SPEN: variants seen among roughly 807,000 people sequenced by gnomAD.
SPEN encodes the protein spen family transcriptional repressor.
SPEN carries 18 observed loss-of-function variants against 269.9 expected under a neutral mutation model. The observed-to-expected ratio is 0.07, with a 90% confidence interval of 0.05 to 0.10. The LOEUF (loss-of-function observed/expected upper bound fraction) is 0.10, where lower values mean the gene tolerates loss of function less well. SPEN is among the 10% of genes least tolerant of loss of function. The probability of loss-of-function intolerance (pLI) is 1.00; values close to 1 mark genes in which losing one functional copy is unlikely to be tolerated. For synonymous variants in SPEN, 1,726 were observed against 1,765.7 expected (o/e 0.98, Z 0.56); for missense variants, 3,822 against 4,631.2 (o/e 0.83, Z 5.07).
intron 9 of SPEN, 130 bp from the exon 10 acceptor site, chr1:15,922,119 C>T (rs1034567785): frequency 4.5e-6 from 3 of 659,868 alleles, no homozygotes; most frequent in South Asian, 3.4e-5. Context: ...GACTGTTTTA[C>T]TTGAGATACA....
At chr1:15,899,085 T>TG (rs1218473686) in intron 3 of SPEN, among the ~76,000 whole-genome samples, 4 of 152,150 alleles carry the variant, frequency 2.6e-5, no homozygotes, top group African/African-American at 9.7e-5. Context: ...AGTTAGCGTT[T>TG]GGGGAACCCC....
intron 2 of SPEN, chr1:15,874,276 C>A: frequency 2.2e-6 from 3 of 1,366,426 alleles, no homozygotes; most frequent in Non-Finnish European, 2.9e-6. Context: ...ATTTGACACC[C>A]TTGCCCATTA....
At chr1:15,906,620 A>G (rs563540808) in intron 3 of SPEN, among the ~76,000 whole-genome samples, 52 of 151,000 alleles carry the variant, frequency 3.4e-4, no homozygotes, top group African/African-American at 1.2e-3. Flanking sequence ...TGTGCCACCA[A>G]GCCTGGCTAA....
intron 5 of SPEN, among the ~76,000 whole-genome samples, chr1:15,912,432 T>A (rs1428862205): frequency 6.6e-6 from 1 of 152,180 alleles, no homozygotes; most frequent in African/African-American, 2.4e-5. Flanking sequence ...AGACTTTAAG[T>A]GGAATTTATA....
In SPEN at chr1:15,848,639, C is replaced by T. The variant is rs559786009; in HGVS notation, c.83+489C>T. 5.3e-5 allele frequency among the ~76,000 whole-genome samples: 8 copies of T among 152,304 alleles called. No individual in the cohort carries two copies. The South Asian group carries it at 1.7e-3, about 32-fold the overall frequency. ...GGAGGGTTCCGTGCGAAGGGAAAGG[C>T]GGTGCGAAAACAGAAGTCGCAGTAG... On this transcript the variant is annotated intron_variant, in intron 1 of 14. Coordinates refer to ENST00000375759, the MANE Select transcript of SPEN (RefSeq NM_015001.3). This position sits in a 1 kb window ranked among gnomAD's most constrained non-coding sequence, Gnocchi z 5.1.
rs976505238 is a variant in SPEN at position 15,931,159 on chromosome 1, C to T, written c.4919C>T (p.Pro1640Leu). The change falls in exon 11 of 15, where the codon CCA (proline) becomes CTA (leucine). Residue 1640 changes from proline (P) to leucine (L), a missense_variant. Pro to Leu is a moderately conservative substitution (Grantham distance 98). This residue lies in a region of SPEN where 533 missense variants were observed against 618.8 expected (regional missense o/e 0.86). Coordinates refer to ENST00000375759, the MANE Select transcript of SPEN (RefSeq NM_015001.3). This position sits in a 1 kb window ranked among gnomAD's most constrained non-coding sequence, Gnocchi z 4.8. ...AAAACTCCACCTTCCGTTGGGCCTC[C>T]AAGTGTCACAGTCGTAACTCTAGAA... ...ELKTPPSVGP[P>L]SVTVVTLESA... The T allele has an allele frequency of 3.1e-6, 5 of 1,614,084 alleles. No homozygotes were observed. The African/African-American group carries it at 6.7e-5, about 22-fold the overall frequency.
At position 15,939,175 on chromosome 1, in the gene SPEN, G is replaced by T; in HGVS notation, c.10864-121G>T. ...CAGTAGACATAGTCCTGGCACATTTGCTGGTTGGGGACTGATTTGGCCTGG... is the reference window on the plus strand; with the variant it reads ...CAGTAGACATAGTCCTGGCACATTTTCTGGTTGGGGACTGATTTGGCCTGG... On this transcript the variant is annotated intron_variant, in intron 14 of 14. Transcript: ENST00000375759. The surrounding 1 kb of genome is among the most constrained non-coding windows in gnomAD (Gnocchi z 4.1). 2 of 1,348,122 alleles carry T rather than the reference G, an allele frequency of 1.5e-6. No individual in the cohort carries two copies. The highest frequency in any genetic ancestry group is 2.0e-6 in the Non-Finnish European group (2 of 999,894). The allele number at this position is 1,348,122 out of a possible 1,614,324, so 83.5% of individuals were successfully genotyped here.
intron 1 of SPEN, among the ~76,000 whole-genome samples, chr1:15,862,095 C>G (rs1485756428): frequency 1.3e-5 from 2 of 151,940 alleles, no homozygotes; most frequent in African/African-American, 4.8e-5. Flanking sequence ...CCATTCTTGG[C>G]CTTTTGAGGG....
chr1:15,872,505 C>T, intron 1 of SPEN, among the ~76,000 whole-genome samples: 1 of 150,828 alleles, frequency 6.6e-6, no homozygotes, highest in East Asian at 2.0e-4. Flanking sequence ...GAGGCTGAGG[C>T]AGGAGAATGG....
chr1:15,849,593 A>G (rs2070312591), intron 1 of SPEN, among the ~76,000 whole-genome samples: 2 of 147,054 alleles, frequency 1.4e-5, no homozygotes, highest in Admixed American at 1.4e-4. Context: ...GGTGTTTACT[A>G]CGTCGTGCCT....
In SPEN at chr1:15,928,501, G is replaced by A. The variant is rs750335080; in HGVS notation, c.2261G>A (p.Arg754Lys). The part of the protein sequence containing the change: ...AERLPSDSER[R>K]LYSRSSDRSG... ...AGGTTGCCGAGTGATTCTGAGAGGA[G>A]GCTTTACAGCCGATCCTCAGACCGG... is the stretch of plus-strand genomic sequence containing the variant. The change falls in exon 11 of 15, where the codon AGG (arginine) becomes AAG (lysine). Residue 754 changes from arginine (R) to lysine (K), a missense_variant. By Grantham distance (26) the Arg-to-Lys change is conservative (BLOSUM62 2). Transcript: ENST00000375759. The surrounding 1 kb of genome is among the most constrained non-coding windows in gnomAD (Gnocchi z 5.7). The A allele has an allele frequency of 6.2e-7, 1 of 1,614,148 alleles. No homozygotes were observed. The highest frequency in any genetic ancestry group is 1.1e-5 in the South Asian group (1 of 91,076).
intron 10 of SPEN, among the ~76,000 whole-genome samples, chr1:15,924,607 C>G (rs772254611): frequency 6.6e-6 from 1 of 152,072 alleles, no homozygotes; most frequent in Non-Finnish European, 1.5e-5. Context: ...ATTACAGGCA[C>G]GCACCACCAG....
At chr1:15,888,741 T>C (rs1372068461) in intron 3 of SPEN, among the ~76,000 whole-genome samples, 1 of 152,054 alleles carries the variant, frequency 6.6e-6, no homozygotes, top group African/African-American at 2.4e-5. Context: ...CAAGTGATTC[T>C]CCTGCCTCAG....
chr1:15,940,362 C>G lies in SPEN; in HGVS notation c.*935C>G, dbSNP rs2071333911. 1 of 233,032 alleles carries G rather than the reference C, an allele frequency of 4.3e-6. No individual in the cohort carries two copies. The highest frequency in any genetic ancestry group is 6.0e-5 in the East Asian group (1 of 16,536). 14.4% of individuals were successfully genotyped at this position (233,032 alleles called of 1,614,324 possible). On this transcript the variant is annotated 3_prime_UTR_variant, in exon 15 of 15. Coordinates refer to ENST00000375759, the MANE Select transcript of SPEN (RefSeq NM_015001.3). ...TACCTTGATCTCTTCCCCCAACTTC[C>G]TAACACTTATTAATTTATGAAACTG...
intron 1 of SPEN, among the ~76,000 whole-genome samples, chr1:15,860,503 G>C (rs990579089): frequency 6.2e-5 from 9 of 145,420 alleles, no homozygotes. Context: ...TATTGCCCAG[G>C]ATGGTCTCAA....
intron 10 of SPEN, among the ~76,000 whole-genome samples, chr1:15,923,788 G>C (rs934636090): frequency 2.0e-4 from 31 of 151,852 alleles, no homozygotes; most frequent in African/African-American, 7.2e-4. Context: ...TCCTGCCTCA[G>C]CCTCCCGAGT....
chr1:15,886,577 C>G (rs2070738402), intron 3 of SPEN, among the ~76,000 whole-genome samples: 1 of 152,312 alleles, frequency 6.6e-6, no homozygotes. Context: ...GATTTCAGAT[C>G]TAGCCAGGGT....
chr1:15,888,596 T>TTATA (rs1390474004), intron 3 of SPEN, among the ~76,000 whole-genome samples: 1 of 151,984 alleles, frequency 6.6e-6, no homozygotes. Context: ...AGTGCTGGGA[T>TTATA]TATAGGCATG....
In SPEN at chr1:15,937,038, G is replaced by A. The variant is rs2071281927; in HGVS notation, c.10027-125G>A. ...TCCGTTGATTCAGGCTCCTTCTGTGGGCCTGACTTAACGGGAGATGCCACA... is the reference window on the plus strand; with the variant it reads ...TCCGTTGATTCAGGCTCCTTCTGTGAGCCTGACTTAACGGGAGATGCCACA... On this transcript the variant is annotated intron_variant, in intron 11 of 14. Coordinates refer to ENST00000375759, the MANE Select transcript of SPEN (RefSeq NM_015001.3). This position sits in a 1 kb window ranked among gnomAD's most constrained non-coding sequence, Gnocchi z 5.7. 7.2e-7 allele frequency: 1 copy of A among 1,387,018 alleles called. No individual in the cohort carries two copies. The highest frequency in any genetic ancestry group is 2.2e-5 in the Admixed American group (1 of 45,214). The allele number at this position is 1,387,018 out of a possible 1,614,324, so 85.9% of individuals were successfully genotyped here. A position where few individuals can be genotyped will look rare whatever the true frequency, so the allele number is the denominator to read the frequency against.
Sources: allele counts gnomAD v4.1 joint callset (sites outside exome capture counted in the v4.1 genomes callset), GRCh38; gene constraint gnomAD v4.1.1; regional missense constraint gnomAD v4.1.1; non-coding constraint Gnocchi (gnomAD v3.1); transcripts MANE v1.5; gene names NCBI Gene and HGNC (gene_info 2026-07-23, HGNC 2026-07-21).